The following KCNN3 variants were observed in gnomAD, a reference collection of about 807,000 sequenced individuals.
KCNN3 encodes the protein small conductance calcium-activated potassium channel protein 3.
A neutral mutation model predicts 62.9 loss-of-function variants in KCNN3; 16 were observed. That is an observed-to-expected ratio of 0.25 (90% CI 0.17 to 0.39). The LOEUF (loss-of-function observed/expected upper bound fraction) is 0.39. KCNN3 is among the 10% of genes least tolerant of loss of function. The pLI, the probability that KCNN3 is intolerant of heterozygous loss-of-function variation, is 1.00. For missense variants in KCNN3, 599 were observed against 949.4 expected (o/e 0.63, Z 4.85); for synonymous variants, 370 against 389.2 (o/e 0.95, Z 0.58).
At chr1:154,795,106 C>T (rs1051023404) in intron 2 of KCNN3, among the ~76,000 whole-genome samples, 24 of 152,144 alleles carry the variant, frequency 1.6e-4, no homozygotes, top group African/African-American at 5.1e-4. Context: ...TTCTCTGAAA[C>T]GAGTCCTGTG....
chr1:154,866,131 C>T (rs1014166723), intron 1 of KCNN3, among the ~76,000 whole-genome samples: 1 of 152,182 alleles, frequency 6.6e-6, no homozygotes, highest in Non-Finnish European at 1.5e-5. Context: ...TCACCTCCCC[C>T]CAAGAATAAA....
intron 3 of KCNN3, among the ~76,000 whole-genome samples, chr1:154,763,363 A>G (rs1018912826): frequency 2.6e-5 from 4 of 151,370 alleles, no homozygotes; most frequent in African/African-American, 9.7e-5. Flanking sequence ...TTCTCTGTTC[A>G]TTTTTTTCTG....
At chr1:154,808,910 C>T (rs976626745) in intron 2 of KCNN3, among the ~76,000 whole-genome samples, 2 of 152,172 alleles carry the variant, frequency 1.3e-5, no homozygotes, top group African/African-American at 2.4e-5. Context: ...GGTCTGCTGG[C>T]GATCACACAG....
intron 1 of KCNN3, chr1:154,868,117 T>C: frequency 1.0e-6 from 1 of 985,112 alleles, no homozygotes. Flanking sequence ...CAAGGAGGAG[T>C]TGAGGTGGGA....
At chr1:154,796,638 C>T (rs937470770) in intron 2 of KCNN3, among the ~76,000 whole-genome samples, 10 of 152,180 alleles carry the variant, frequency 6.6e-5, no homozygotes, top group South Asian at 2.1e-4. Context: ...ATGATTCAAC[C>T]GATTCAACCG....
intron 1 of KCNN3, among the ~76,000 whole-genome samples, chr1:154,823,945 C>G (rs1651004468): frequency 1.3e-5 from 2 of 152,190 alleles, no homozygotes; most frequent in African/African-American, 2.4e-5. Context: ...AAAGTGCTCT[C>G]CCTGATGTCT....
At chr1:154,801,162 C>T (rs929536542) in intron 2 of KCNN3, among the ~76,000 whole-genome samples, 3 of 152,062 alleles carry the variant, frequency 2.0e-5, no homozygotes, top group Non-Finnish European at 4.4e-5. Context: ...ACCCCCAACA[C>T]AGGAGGCCGT....
chr1:154,855,112 G>C (rs1007247276), intron 1 of KCNN3, among the ~76,000 whole-genome samples: 1 of 152,146 alleles, frequency 6.6e-6, no homozygotes, highest in Non-Finnish European at 1.5e-5. Context: ...CAGGTACTCA[G>C]GAGGCTGAGG....
In KCNN3 at chr1:154,862,250, G is replaced by A. The variant is rs1652796880; in HGVS notation, c.933+6782C>T. Among the ~76,000 whole-genome samples the A allele has an allele frequency of 6.6e-6, 1 of 152,148 alleles. No homozygotes were observed. Among genetic ancestry groups the A allele is most frequent in the Non-Finnish European group, 1.5e-5 (1 of 68,018 alleles). On this transcript the variant is annotated intron_variant, in intron 1 of 7. Coordinates refer to ENST00000271915, the MANE Select transcript of KCNN3 (RefSeq NM_002249.6). This position sits in a 1 kb window ranked among gnomAD's most constrained non-coding sequence, Gnocchi z 4.1. ...CAACCCTGGGAACCCCTGTGCAGCCGAGTTTTCTCATCCCTGAGATAGTTG... is the reference window on the plus strand; with the variant it reads ...CAACCCTGGGAACCCCTGTGCAGCCAAGTTTTCTCATCCCTGAGATAGTTG...
chr1:154,844,469 G>A (rs980393705), intron 1 of KCNN3, among the ~76,000 whole-genome samples: 3 of 152,162 alleles, frequency 2.0e-5, no homozygotes, highest in Admixed American at 6.5e-5. Flanking sequence ...GCATCGCGCC[G>A]GTCACACATC....
chr1:154,866,024 G>A (rs796474504), intron 1 of KCNN3, among the ~76,000 whole-genome samples: 2 of 152,202 alleles, frequency 1.3e-5, no homozygotes, highest in African/African-American at 4.8e-5. Context: ...TCCCTCCCCA[G>A]GGTCCACTGA....
intron 3 of KCNN3, among the ~76,000 whole-genome samples, chr1:154,748,498 C>A (rs1476532297): frequency 6.6e-6 from 1 of 152,190 alleles, no homozygotes; most frequent in African/African-American, 2.4e-5. Flanking sequence ...CTGGGGCTAT[C>A]TCTGTGTGGT....
chr1:154,724,944 C>T (rs1354662075), intron 5 of KCNN3, among the ~76,000 whole-genome samples: 1 of 151,816 alleles, frequency 6.6e-6, no homozygotes, highest in Non-Finnish European at 1.5e-5. Flanking sequence ...GCAACCTCCG[C>T]TTCCTGGGTT....
At chr1:154,752,732 A>T (rs559897745) in intron 3 of KCNN3, among the ~76,000 whole-genome samples, 14 of 152,256 alleles carry the variant, frequency 9.2e-5, no homozygotes, top group African/African-American at 3.1e-4. Flanking sequence ...TCACACAGAC[A>T]TGCCCCCTGC....
At position 154,771,899 on chromosome 1, in the gene KCNN3, T is replaced by C. The variant is rs146104697; in HGVS notation, c.1448+76A>G. Reference sequence around the variant, plus strand: ...CTGTCTCCTCCATCAGACCACATACTTCCTGGCACCCCTACTCCTCCTCCC... The same window carrying C: ...CTGTCTCCTCCATCAGACCACATACCTCCTGGCACCCCTACTCCTCCTCCC... On this transcript the variant is annotated intron_variant, in intron 3 of 7. Transcript: ENST00000271915. 309 of 1,463,578 alleles carry C rather than the reference T, an allele frequency of 2.1e-4. No individual in the cohort carries two copies. The East Asian group carries it at 6.5e-3, about 31-fold the overall frequency. 90.7% of individuals were successfully genotyped at this position (1,463,578 alleles called of 1,614,324 possible). A position where few individuals can be genotyped will look rare whatever the true frequency, so the allele number is the denominator to read the frequency against.
chr1:154,754,029 A>C (rs1647514858), intron 3 of KCNN3, among the ~76,000 whole-genome samples: 1 of 152,200 alleles, frequency 6.6e-6, no homozygotes, highest in South Asian at 2.1e-4. Context: ...AAAACCTTCC[A>C]TGTAGGAATG....
chr1:154,841,955 C>T (rs954958834), intron 1 of KCNN3, among the ~76,000 whole-genome samples: 5 of 152,204 alleles, frequency 3.3e-5, no homozygotes, highest in African/African-American at 9.6e-5. Flanking sequence ...GTGAAGGAAA[C>T]GCACGCGAGA....
intron 3 of KCNN3, among the ~76,000 whole-genome samples, chr1:154,739,149 G>C (rs1700775230): frequency 6.6e-6 from 1 of 152,228 alleles, no homozygotes. Context: ...GCTGCCTCTG[G>C]AGAACAGTAA....
intron 2 of KCNN3, among the ~76,000 whole-genome samples, chr1:154,821,227 C>G (rs1309221786): frequency 6.6e-6 from 1 of 152,172 alleles, no homozygotes; most frequent in Admixed American, 6.5e-5. Flanking sequence ...CAATCTCTCG[C>G]CTGCTGCCCA....
Sources: gnomAD v4.1 joint callset for allele counts (sites outside exome capture counted in the v4.1 genomes callset) on GRCh38, gnomAD v4.1.1 for gene constraint, Gnocchi (gnomAD v3.1) non-coding constraint, MANE v1.5 for transcripts, NCBI Gene and HGNC (gene_info 2026-07-23, HGNC 2026-07-21) for gene names.